Variants in USP4 observed in about 807,000 individuals in gnomAD.
USP4 encodes the protein ubiquitin carboxyl-terminal hydrolase 4.
In USP4, 72 loss-of-function variants were observed where a neutral mutation model predicts 118.2. The ratio of observed to expected loss-of-function variants is 0.61; its 90% confidence interval spans 0.50 to 0.74. The LOEUF (loss-of-function observed/expected upper bound fraction) is 0.74. USP4 is among the 30% of genes least tolerant of loss of function. The pLI is 0.00. For missense variants in USP4, 1,037 were observed against 1,185.7 expected, an observed-to-expected ratio of 0.87 and a Z score of 1.84; for synonymous variants, 415 against 440.4, an observed-to-expected ratio of 0.94 and a Z score of 0.72.
In USP4 at chr3:49,277,204, G is replaced by C; in HGVS notation, c.*1089C>G. The C allele has an allele frequency of 2.2e-6, 3 of 1,345,242 alleles. No homozygotes were observed. Among genetic ancestry groups the C allele is most frequent in the Non-Finnish European group, 2.9e-6 (3 of 1,025,290 alleles). 83.3% of individuals were successfully genotyped at this position (1,345,242 alleles called of 1,614,324 possible). A position where few individuals can be genotyped will look rare whatever the true frequency, so the allele number is the denominator to read the frequency against. On this transcript the variant is annotated 3_prime_UTR_variant, in exon 22 of 22. Transcript: ENST00000265560. ...TCCTCACCCGCAGCGCAGTGACGCC[G>C]ACCCATCCAACGGTCATCGCATGCG...
intron 14 of USP4, among the ~76,000 whole-genome samples, chr3:49,293,186 G>A (rs1188795650): frequency 1.3e-5 from 2 of 151,926 alleles, no homozygotes; most frequent in African/African-American, 2.4e-5. Flanking sequence ...AGACCAGTCT[G>A]GCCAACATGG....
intron 6 of USP4, among the ~76,000 whole-genome samples, chr3:49,315,985 CAT>C (rs1362512011): frequency 2.0e-5 from 3 of 152,124 alleles, no homozygotes; most frequent in Non-Finnish European, 4.4e-5. Flanking sequence ...GGGCGGATCA[CAT>C]GAGGTTGGGA....
At chr3:49,334,315 G>A (rs2047648005) in intron 2 of USP4, among the ~76,000 whole-genome samples, 1 of 152,176 alleles carries the variant, frequency 6.6e-6, no homozygotes, top group African/African-American at 2.4e-5. Flanking sequence ...AACAAAATGT[G>A]AACATAATGA....
intron 6 of USP4, among the ~76,000 whole-genome samples, chr3:49,313,319 G>C (rs1178032561): frequency 1.3e-5 from 2 of 152,076 alleles, no homozygotes; most frequent in East Asian, 3.9e-4. Flanking sequence ...TTGAGGTCAG[G>C]AGTTCGAGTC....
intron 2 of USP4, among the ~76,000 whole-genome samples, chr3:49,328,921 T>C (rs2047585299): frequency 6.6e-6 from 1 of 151,718 alleles, no homozygotes; most frequent in Admixed American, 6.6e-5. Flanking sequence ...GGCTCACACC[T>C]GTAATCCCAG....
intron 15 of USP4, among the ~76,000 whole-genome samples, chr3:49,287,177 C>T (rs1460171801): frequency 2.0e-5 from 3 of 150,430 alleles, no homozygotes; most frequent in African/African-American, 2.4e-5. Context: ...TTTTTTGAGA[C>T]GGAGTCTCAC....
At position 49,295,736 on chromosome 3, in the gene USP4, C is replaced by CACACACACACACA. The variant is rs1336643836; in HGVS notation, c.1692-1139_1692-1138insTGTGTGTGTGTGT. 3.6e-3 allele frequency among the ~76,000 whole-genome samples: 517 copies of CACACACACACACA among 142,956 alleles called. 7 individuals are homozygous for CACACACACACACA. The highest frequency in any genetic ancestry group is 0.013 in the African/African-American group (495 of 37,520). 93.8% of individuals were successfully genotyped at this position (142,956 alleles called of 152,430 possible). ...CGCGCACACACACACACACACACAC[C>CACACACACACACA]CCCCCCTCCCCAAATGCCTAGCAAA... On this transcript the variant is annotated intron_variant, in intron 13 of 21. Transcript: ENST00000265560.
intron 12 of USP4, 79 bp from the exon 13 acceptor site, chr3:49,298,043 G>T: frequency 2.4e-6 from 2 of 845,022 alleles, no homozygotes; most frequent in Non-Finnish European, 3.7e-6. Flanking sequence ...AGAAACAAAT[G>T]AAAAAAAAAA....
intron 15 of USP4, among the ~76,000 whole-genome samples, chr3:49,288,027 C>A (rs2047116465): frequency 6.6e-6 from 1 of 152,156 alleles, no homozygotes; most frequent in Admixed American, 6.5e-5. Flanking sequence ...AACAAAGAAT[C>A]TACATACTTG....
chr3:49,306,369 ATTTTTGTAT>A (rs981339771), intron 8 of USP4, among the ~76,000 whole-genome samples: 3 of 151,394 alleles, frequency 2.0e-5, no homozygotes, highest in African/African-American at 7.3e-5. Flanking sequence ...CACCCAGCTA[ATTTTTGTAT>A]TTTCAGTAGA....
At chr3:49,292,350 A>G (rs1253472177) in intron 15 of USP4, among the ~76,000 whole-genome samples, 160 bp downstream of exon 15, 2 of 151,704 alleles carry the variant, frequency 1.3e-5, no homozygotes, top group Admixed American at 6.6e-5. Context: ...AGGCACTGGC[A>G]GAGTAGAATG....
chr3:49,320,125 T>G (rs1295966665), intron 6 of USP4, among the ~76,000 whole-genome samples: 1 of 152,094 alleles, frequency 6.6e-6, no homozygotes, highest in African/African-American at 2.4e-5. Context: ...CTTGCTATGT[T>G]GACCAGGCTG....
At chr3:49,306,855 G>C (rs753164455) in intron 8 of USP4, among the ~76,000 whole-genome samples, 14 of 151,930 alleles carry the variant, frequency 9.2e-5, no homozygotes, top group Non-Finnish European at 1.9e-4. Flanking sequence ...CGCAATCTCA[G>C]CTCACCGCAA....
intron 15 of USP4, 40 bp downstream of exon 15, chr3:49,292,470 A>T (rs1398709223): frequency 1.5e-6 from 2 of 1,315,456 alleles, no homozygotes; most frequent in African/African-American, 3.0e-5. Flanking sequence ...ATCAGGAGGT[A>T]TTTGGTCAGT....
At chr3:49,314,364 G>A (rs1404658569) in intron 6 of USP4, among the ~76,000 whole-genome samples, 1 of 152,114 alleles carries the variant, frequency 6.6e-6, no homozygotes. Context: ...TCCTAAAGAG[G>A]ATTTGGTTCA....
Position 49,277,375 on chromosome 3 carries a change from G to T in USP4, c.*918C>A. ...GAGTGGGGACGGGGCTTTCGAATGG[G>T]GGCCCCGGGAAGAGTCTTGGCAGGG... is the stretch of plus-strand genomic sequence containing the variant. On this transcript the variant is annotated 3_prime_UTR_variant, in exon 22 of 22. Coordinates refer to ENST00000265560, the MANE Select transcript of USP4 (RefSeq NM_003363.4). 2 of 559,208 alleles carry T rather than the reference G, an allele frequency of 3.6e-6. No homozygotes were observed. The highest frequency in any genetic ancestry group is 5.5e-6 in the Non-Finnish European group (2 of 365,702). 34.6% of individuals were successfully genotyped at this position (559,208 alleles called of 1,614,324 possible). A position where few individuals can be genotyped will look rare whatever the true frequency, so the allele number is the denominator to read the frequency against.
chr3:49,328,922 G>A (rs1360185553), intron 2 of USP4, among the ~76,000 whole-genome samples: 1 of 151,790 alleles, frequency 6.6e-6, no homozygotes, highest in Non-Finnish European at 1.5e-5. Flanking sequence ...GCTCACACCT[G>A]TAATCCCAGC....
chr3:49,312,487 A>T (rs1559474097), intron 6 of USP4: 1 of 453,034 alleles, frequency 2.2e-6, no homozygotes, highest in Non-Finnish European at 4.4e-6. Context: ...AAAAAAAAAA[A>T]TTAGCCAGAT....
chr3:49,302,640 G>T, intron 9 of USP4, 98 bp from the exon 10 acceptor site: 1 of 1,240,292 alleles, frequency 8.1e-7, no homozygotes, highest in Non-Finnish European at 1.1e-6. Context: ...GAGTTAGCTG[G>T]GGCAGTGAGA....
Sources: allele counts gnomAD v4.1 joint callset (sites outside exome capture counted in the v4.1 genomes callset), GRCh38; gene constraint gnomAD v4.1.1; transcripts MANE v1.5; gene names NCBI Gene and HGNC (gene_info 2026-07-23, HGNC 2026-07-21).